Variants in SGCD observed in about 807,000 individuals in gnomAD.
SGCD encodes sarcoglycan delta, also known as delta-sarcoglycan.
In SGCD, 18 loss-of-function variants were observed where a neutral mutation model predicts 36.6. The ratio of observed to expected loss-of-function variants is 0.49; its 90% CI spans 0.34 to 0.73. The LOEUF is 0.73. Among genes scored for constraint, SGCD ranks in the 30% least tolerant of loss-of-function variants. SGCD has a pLI of 0.01. For synonymous variants in SGCD, 133 were observed against 130.6 expected (o/e 1.02, Z -0.12); for missense variants, 387 against 346.7 (o/e 1.12, Z -0.92).
intron 1 of SGCD, among the ~76,000 whole-genome samples, chr5:155,942,953 TA>T (rs1269458009): frequency 6.6e-6 from 1 of 152,202 alleles, no homozygotes; most frequent in African/African-American, 2.4e-5. Context: ...GAACATTCCA[TA>T]ATGCCTCCTA....
intron 1 of SGCD, among the ~76,000 whole-genome samples, chr5:155,922,870 C>T (rs891180188): frequency 5.3e-5 from 8 of 152,184 alleles, no homozygotes; most frequent in African/African-American, 1.7e-4. Flanking sequence ...TCACCAGAAG[C>T]TCCAGCCCAA....
intron 1 of SGCD, among the ~76,000 whole-genome samples, chr5:156,080,861 G>A (rs1487208938): frequency 6.6e-6 from 1 of 152,058 alleles, no homozygotes; most frequent in Non-Finnish European, 1.5e-5. Flanking sequence ...ATCTTCTTCT[G>A]AGTCCCCCAA....
the SGCD span, among the ~76,000 whole-genome samples, chr5:155,839,418 C>T: frequency 6.6e-6 from 1 of 152,124 alleles, no homozygotes; most frequent in Non-Finnish European, 1.5e-5. Context: ...TTTACCTTTT[C>T]TGAGGGGTCT....
At chr5:156,599,305 G>A (rs1462383706) in intron 6 of SGCD, among the ~76,000 whole-genome samples, 1 of 151,940 alleles carries the variant, frequency 6.6e-6, no homozygotes, top group Non-Finnish European at 1.5e-5. Context: ...TCCTTATCAG[G>A]ACCACTTAGG....
intron 7 of SGCD, among the ~76,000 whole-genome samples, chr5:156,691,097 C>T (rs1754088051): frequency 1.4e-5 from 2 of 147,984 alleles, no homozygotes; most frequent in Admixed American, 6.9e-5. Flanking sequence ...ATTCCAGCTA[C>T]TTGGGAGGCT....
intron 1 of SGCD, among the ~76,000 whole-genome samples, chr5:155,990,985 T>C (rs1758421151): frequency 6.6e-6 from 1 of 152,170 alleles, no homozygotes. Flanking sequence ...CCTGGAAGGT[T>C]GTAAAACCTT....
chr5:155,923,480 G>T (rs570436880), intron 1 of SGCD, among the ~76,000 whole-genome samples: 1 of 152,164 alleles, frequency 6.6e-6, no homozygotes, highest in African/African-American at 2.4e-5. Context: ...GCTGGAAAAT[G>T]GCAAAGATGA....
At chr5:156,038,590 TA>T (rs545519191) in intron 1 of SGCD, among the ~76,000 whole-genome samples, 92 of 145,524 alleles carry the variant, frequency 6.3e-4, no homozygotes, top group African/African-American at 6.7e-4. Context: ...AAATAAAAAG[TA>T]AAAAAAAAAA....
intron 6 of SGCD, among the ~76,000 whole-genome samples, chr5:156,638,683 C>T (rs1182297140): frequency 4.0e-5 from 6 of 151,888 alleles, no homozygotes; most frequent in Non-Finnish European, 7.4e-5. Flanking sequence ...AATGAAGTTG[C>T]TTGCTGCTTG....
At chr5:156,732,903 T>C (rs1434024007) in intron 7 of SGCD, among the ~76,000 whole-genome samples, 1 of 152,156 alleles carries the variant, frequency 6.6e-6, no homozygotes, top group Non-Finnish European at 1.5e-5. Flanking sequence ...TTGTATTTCT[T>C]TGGGGTCAGT....
chr5:155,875,050 T>C lies in SGCD; in HGVS notation c.-282+4626T>C, dbSNP rs190248635. 5.3e-5 allele frequency among the ~76,000 whole-genome samples: 8 copies of C among 152,220 alleles called. No homozygotes were observed. The East Asian group carries it at 1.4e-3, about 26-fold the overall frequency. ...ATGAATGGATAAACAAATTGTGATA[T>C]AGTCACACAATGGAAAACTGCTTGG... On this transcript the variant is annotated intron_variant, in intron 1 of 9. Coordinates refer to the SGCD transcript ENST00000517913.
At chr5:156,168,150 A>G (rs887738007) in intron 3 of SGCD, among the ~76,000 whole-genome samples, 4 of 152,234 alleles carry the variant, frequency 2.6e-5, no homozygotes, top group Admixed American at 6.5e-5. Flanking sequence ...TCACTTAGAT[A>G]AAATCATCAT....
intron 7 of SGCD, among the ~76,000 whole-genome samples, chr5:156,667,085 G>C (rs1228986696): frequency 6.6e-6 from 1 of 152,152 alleles, no homozygotes; most frequent in East Asian, 1.9e-4. Context: ...ATACTCATTG[G>C]AGCATTTCAA....
Position 156,564,429 on chromosome 5 carries a change from G to C in SGCD, c.295-24802G>C, listed in dbSNP as rs186485319. ...CATGCCACTGCACTCCAGCCTGGGC[G>C]ACAGAGCAAGACTCCATCTCAAAAC... is the stretch of plus-strand genomic sequence containing the variant. On this transcript the variant is annotated intron_variant, in intron 4 of 8. Transcript: ENST00000337851. Among the ~76,000 whole-genome samples the C allele has an allele frequency of 1.5e-3, 232 of 152,186 alleles. 7 individuals carry two copies. Among genetic ancestry groups the C allele is most frequent in the Admixed American group, 0.015 (230 of 15,288 alleles).
chr5:156,112,845 G>A (rs1487217393), intron 1 of SGCD, among the ~76,000 whole-genome samples: 2 of 152,094 alleles, frequency 1.3e-5, no homozygotes, highest in Non-Finnish European at 2.9e-5. Flanking sequence ...TCCTAGCCAG[G>A]CACTCTGGCC....
Position 156,765,310 on chromosome 5 carries a change from G to T in SGCD, c.*5920G>T, listed in dbSNP as rs1035259836. 3.3e-5 allele frequency: 5 copies of T among 152,154 alleles called. No homozygotes were observed. The highest frequency in any genetic ancestry group is 1.2e-4 in the African/African-American group (5 of 41,422). 9.4% of individuals were successfully genotyped at this position (152,154 alleles called of 1,614,324 possible). A position where few individuals can be genotyped will look rare whatever the true frequency, so the allele number is the denominator to read the frequency against. On this transcript the variant is annotated 3_prime_UTR_variant, in exon 9 of 9. Coordinates refer to ENST00000337851, the MANE Select transcript of SGCD (RefSeq NM_000337.6). Reference sequence around the variant, plus strand: ...TGGGAACACTTGTAGCCAAAGGATTGTCTGAGGGCAGGAAGACGACACTTG... The same window carrying T: ...TGGGAACACTTGTAGCCAAAGGATTTTCTGAGGGCAGGAAGACGACACTTG...
At chr5:155,861,194 T>C in the SGCD span, among the ~76,000 whole-genome samples, 4 of 152,174 alleles carry the variant, frequency 2.6e-5, no homozygotes, top group African/African-American at 9.7e-5. Context: ...ACTTAAGTAA[T>C]TAAAACAAGT....
the SGCD span, among the ~76,000 whole-genome samples, chr5:155,771,042 C>T: frequency 6.6e-6 from 1 of 151,858 alleles, no homozygotes; most frequent in Non-Finnish European, 1.5e-5. Context: ...CACAAAAGTG[C>T]TCCTGTCATC....
the SGCD span, among the ~76,000 whole-genome samples, chr5:155,820,440 G>C: frequency 2.6e-5 from 4 of 152,084 alleles, no homozygotes; most frequent in African/African-American, 9.6e-5. Context: ...GGGGTAAATT[G>C]CTCGAGCTCT....
Sources: allele counts gnomAD v4.1 joint callset (sites outside exome capture counted in the v4.1 genomes callset), GRCh38; gene constraint gnomAD v4.1.1; transcripts MANE v1.5; gene names NCBI Gene and HGNC (gene_info 2026-07-23, HGNC 2026-07-21).